The following CSMD1 variants were observed in gnomAD, a reference collection of about 807,000 sequenced individuals.
CSMD1 encodes the protein CUB and sushi domain-containing protein 1.
A neutral mutation model predicts 417.5 loss-of-function variants in CSMD1; 213 were observed. The observed-to-expected ratio is 0.51, with a 90% CI of 0.46 to 0.57. The LOEUF is 0.57. Among genes scored for constraint, CSMD1 ranks in the 20% least tolerant of loss-of-function variants. The pLI, the probability that CSMD1 is intolerant of heterozygous loss-of-function variation, is 0.00. For missense variants in CSMD1, 6,923 were observed against 4,529.7 expected, an observed-to-expected ratio of 1.53 and a Z score of -15.17; for synonymous variants, 2,862 against 1,736.8, an observed-to-expected ratio of 1.65 and a Z score of -16.11.
intron 1 of CSMD1, among the ~76,000 whole-genome samples, chr8:4,647,202 T>A (rs1803569746): frequency 6.6e-6 from 1 of 151,594 alleles, no homozygotes; most frequent in South Asian, 2.1e-4. Flanking sequence ...ATACGTAACT[T>A]CAGAGTGTTT....
chr8:4,021,281 T>A (rs2554586), intron 4 of CSMD1, among the ~76,000 whole-genome samples: 2 of 152,000 alleles, frequency 1.3e-5, no homozygotes, highest in Non-Finnish European at 2.9e-5. Context: ...TGCATTAAAA[T>A]TATAATCCTT....
intron 1 of CSMD1, among the ~76,000 whole-genome samples, chr8:4,725,621 G>A (rs115705374): frequency 1.3e-5 from 2 of 152,100 alleles, no homozygotes; most frequent in African/African-American, 4.8e-5. Context: ...TTTTAAAGAA[G>A]CCTCTTGAAA....
intron 3 of CSMD1, among the ~76,000 whole-genome samples, chr8:4,309,348 G>A (rs1798431575): frequency 6.6e-6 from 1 of 151,586 alleles, no homozygotes; most frequent in African/African-American, 2.4e-5. Flanking sequence ...AGTTTTTTTA[G>A]GAAAAAAACT....
intron 1 of CSMD1, among the ~76,000 whole-genome samples, chr8:4,658,823 G>A (rs377297759): frequency 6.6e-6 from 1 of 152,130 alleles, no homozygotes; most frequent in South Asian, 2.1e-4. Flanking sequence ...CACAATTTAT[G>A]AGGATATAAT....
intron 3 of CSMD1, among the ~76,000 whole-genome samples, chr8:4,180,414 C>G (rs1584969925): frequency 8.2e-6 from 1 of 121,290 alleles, no homozygotes; most frequent in South Asian, 2.6e-4. Context: ...ACATCACACT[C>G]TGGGGACTGC....
At chr8:3,760,796 C>T (rs1797952306) in intron 5 of CSMD1, among the ~76,000 whole-genome samples, 1 of 152,144 alleles carries the variant, frequency 6.6e-6, no homozygotes, top group Non-Finnish European at 1.5e-5. Flanking sequence ...AGTTAAGTCT[C>T]TTTAACTATG....
intron 1 of CSMD1, among the ~76,000 whole-genome samples, chr8:4,644,629 G>C (rs1585382771): frequency 6.6e-6 from 1 of 152,172 alleles, no homozygotes; most frequent in African/African-American, 2.4e-5. Context: ...GGCTGGGCAG[G>C]AACCTCTGAC....
chr8:4,479,141 A>G (rs190047541), intron 2 of CSMD1, among the ~76,000 whole-genome samples: 2 of 152,330 alleles, frequency 1.3e-5, no homozygotes, highest in African/African-American at 4.8e-5. Context: ...TTCTTTAATA[A>G]GGTTAATTTA....
At chr8:4,029,653 C>G (rs1017259753) in intron 4 of CSMD1, among the ~76,000 whole-genome samples, 1 of 152,066 alleles carries the variant, frequency 6.6e-6, no homozygotes, top group South Asian at 2.1e-4. Flanking sequence ...TCATTTCGCT[C>G]CTGGACCCAC....
intron 2 of CSMD1, among the ~76,000 whole-genome samples, chr8:4,535,854 A>C (rs1460788110): frequency 2.0e-5 from 3 of 152,194 alleles, no homozygotes; most frequent in Non-Finnish European, 4.4e-5. Flanking sequence ...CCTGCTTCCA[A>C]TTCAAACTTA....
chr8:4,057,510 T>G (rs1395927196), intron 3 of CSMD1, among the ~76,000 whole-genome samples: 1 of 152,192 alleles, frequency 6.6e-6, no homozygotes, highest in Non-Finnish European at 1.5e-5. Flanking sequence ...GGTAGTTTGT[T>G]TTGCTGTGCA....
intron 4 of CSMD1, among the ~76,000 whole-genome samples, chr8:4,019,099 C>A (rs886449460): frequency 6.6e-6 from 1 of 152,154 alleles, no homozygotes; most frequent in Non-Finnish European, 1.5e-5. Flanking sequence ...TGGACTACTG[C>A]TAGATACATA....
intron 1 of CSMD1, among the ~76,000 whole-genome samples, chr8:4,813,246 A>T (rs1250662292): frequency 6.6e-6 from 1 of 152,190 alleles, no homozygotes; most frequent in Non-Finnish European, 1.5e-5. Flanking sequence ...AAAATCAAAC[A>T]TGAAATGCTT....
chr8:3,158,065 A>T (rs1819645932), intron 38 of CSMD1, 99 bp from the exon 39 acceptor site: 1 of 1,001,320 alleles, frequency 1.0e-6, no homozygotes, highest in African/African-American at 1.6e-5. Context: ...TTCTTGTTTT[A>T]ATTATAAATA....
chr8:3,424,998 A>G (rs1442797900), intron 12 of CSMD1, among the ~76,000 whole-genome samples: 1 of 152,074 alleles, frequency 6.6e-6, no homozygotes, highest in Non-Finnish European at 1.5e-5. Context: ...CCACACCCAG[A>G]TAATGATTTT....
At chr8:3,435,524 C>T (rs1814501735) in intron 12 of CSMD1, among the ~76,000 whole-genome samples, 1 of 152,112 alleles carries the variant, frequency 6.6e-6, no homozygotes, top group Non-Finnish European at 1.5e-5. Context: ...TCCACCTCTC[C>T]ACTCTGTCCA....
rs564782190 is a variant in CSMD1, at chr8:4,406,335, C to CA, written c.415+13617dup. ...CTTCCAGTTGTGAATTCAACACACT[C>CA]AAAATGACAGAATTTAGGGAAAGAG... On this transcript the variant is annotated intron_variant, in intron 3 of 69. Transcript: ENST00000635120. Among the ~76,000 whole-genome samples the CA allele has an allele frequency of 5.3e-5, 8 of 152,134 alleles. No individual in the cohort carries two copies. The East Asian group carries it at 1.4e-3, about 26-fold the overall frequency.
At chr8:4,282,694 C>T (rs1044247780) in intron 3 of CSMD1, among the ~76,000 whole-genome samples, 3 of 152,146 alleles carry the variant, frequency 2.0e-5, no homozygotes, top group African/African-American at 7.2e-5. Context: ...GCTGTGACAG[C>T]ATCCTAACAA....
chr8:4,502,538 T>C (rs1267804237), intron 2 of CSMD1, among the ~76,000 whole-genome samples: 4 of 152,162 alleles, frequency 2.6e-5, no homozygotes, highest in Non-Finnish European at 5.9e-5. Context: ...TTAAACCCCA[T>C]AAGTGCTCTA....
Sources: allele counts gnomAD v4.1 joint callset (sites outside exome capture counted in the v4.1 genomes callset), GRCh38; gene constraint gnomAD v4.1.1; transcripts MANE v1.5; gene names NCBI Gene and HGNC (gene_info 2026-07-23, HGNC 2026-07-21).